TBRG1: variants seen among roughly 807,000 people sequenced by gnomAD.
TBRG1 encodes the protein nuclear interactor of ARF and MDM2.
In TBRG1, 31 loss-of-function variants were observed where a neutral mutation model predicts 44.0. The observed-to-expected ratio is 0.70, with a 90% CI of 0.53 to 0.95. The LOEUF (loss-of-function observed/expected upper bound fraction) is 0.95. TBRG1 is among the 40% of genes least tolerant of loss of function. The pLI is 0.00. For synonymous variants in TBRG1, 171 were observed against 188.1 expected (o/e 0.91, Z 0.74); for missense variants, 487 against 496.1 (o/e 0.98, Z 0.18).
chr11:124,632,333 T>A lies in TBRG1; in HGVS notation c.*95T>A. ...ATGAAAGAAGGCAGCAATTCAGAAG[T>A]AAAGAAGATACTAACGTATTTCATC... On this transcript the variant is annotated 3_prime_UTR_variant, in exon 9 of 9. Coordinates refer to ENST00000441174, the MANE Select transcript of TBRG1 (RefSeq NM_032811.3). 1 of 1,067,710 alleles carries A rather than the reference T, an allele frequency of 9.4e-7. No individual in the cohort carries two copies. Among genetic ancestry groups the A allele is most frequent in the Non-Finnish European group, 1.4e-6 (1 of 725,350 alleles). 66.1% of individuals were successfully genotyped at this position (1,067,710 alleles called of 1,614,324 possible). A position where few individuals can be genotyped will look rare whatever the true frequency, so the allele number is the denominator to read the frequency against.
chr11:124,633,328 G>C lies in TBRG1; in HGVS notation c.*1090G>C, dbSNP rs1046750826. 2.6e-5 allele frequency: 4 copies of C among 152,164 alleles called. No individual in the cohort carries two copies. Among genetic ancestry groups the C allele is most frequent in the Non-Finnish European group, 4.4e-5 (3 of 68,040 alleles). 9.4% of individuals were successfully genotyped at this position (152,164 alleles called of 1,614,324 possible). On this transcript the variant is annotated 3_prime_UTR_variant, in exon 9 of 9. Coordinates refer to ENST00000441174, the MANE Select transcript of TBRG1 (RefSeq NM_032811.3). Reference sequence around the variant, plus strand: ...TTTTGGACCCTGTTAATAGCATTAAGGTAGAGGTTTACTCTATCACCTAAC... The same window carrying C: ...TTTTGGACCCTGTTAATAGCATTAACGTAGAGGTTTACTCTATCACCTAAC...
chr11:124,631,214 T>A, intron 7 of TBRG1, 61 bp from the exon 8 acceptor site: 1 of 1,464,590 alleles, frequency 6.8e-7, no homozygotes, highest in Non-Finnish European at 9.2e-7. Context: ...CCTTTAGTGA[T>A]AGGAATGGGT....
chr11:124,623,488 A>G (rs1942388393), intron 1 of TBRG1: 3 of 556,968 alleles, frequency 5.4e-6, no homozygotes, highest in African/African-American at 1.9e-5. Context: ...TGCGTAAAAG[A>G]CATACCAATA....
chr11:124,629,305 C>T (rs1463000057), intron 5 of TBRG1, among the ~76,000 whole-genome samples: 1 of 151,680 alleles, frequency 6.6e-6, no homozygotes, highest in Non-Finnish European at 1.5e-5. Flanking sequence ...CGCCACTGCA[C>T]TCCAGCCTGG....
rs1942678274 is a variant in TBRG1 at position 124,634,454 on chromosome 11, G to A, written c.*2216G>A. On this transcript the variant is annotated 3_prime_UTR_variant, in exon 9 of 9. Coordinates refer to ENST00000441174, the MANE Select transcript of TBRG1 (RefSeq NM_032811.3). ...GACAACATCCAGTGTCAATGAGGGT[G>A]AGGGCAAAAAAAGGACTACCTTGGT... 1 of 152,042 alleles carries A rather than the reference G, an allele frequency of 6.6e-6. No individual in the cohort carries two copies. Among genetic ancestry groups the A allele is most frequent in the Non-Finnish European group, 1.5e-5 (1 of 67,978 alleles). The allele number at this position is 152,042 out of a possible 1,614,324, so 9.4% of individuals were successfully genotyped here.
intron 3 of TBRG1, among the ~76,000 whole-genome samples, chr11:124,626,222 T>C (rs1287770620): frequency 1.3e-5 from 2 of 152,198 alleles, no homozygotes; most frequent in Non-Finnish European, 2.9e-5. Context: ...AGCACACTGC[T>C]GGCTTGGTAA....
intron 5 of TBRG1, among the ~76,000 whole-genome samples, chr11:124,629,230 T>A (rs1367329372): frequency 6.6e-6 from 1 of 151,912 alleles, no homozygotes; most frequent in Admixed American, 6.6e-5. Flanking sequence ...TCCCAGCTGC[T>A]GGGGAGGCTG....
intron 4 of TBRG1, 124 bp downstream of exon 4, chr11:124,626,733 C>G (rs1198315700): frequency 1.4e-6 from 2 of 1,415,204 alleles, no homozygotes; most frequent in Admixed American, 3.9e-5. Context: ...CAGCGTATCT[C>G]CAGTCCCTGC....
Position 124,622,889 on chromosome 11 carries a change from T to C in TBRG1, c.-195T>C, listed in dbSNP as rs1164576381. On this transcript the variant is annotated 5_prime_UTR_variant, in exon 1 of 9. Transcript: ENST00000441174. The stretch of plus-strand genomic sequence containing the variant: ...ACTTCCAAGACAGACACGGAAGTGC[T>C]GGGAGGCGCCGGGAGCCCGTTCGGT... The C allele has an allele frequency of 3.1e-5, 18 of 588,488 alleles. No individual in the cohort carries two copies. The East Asian group carries it at 4.8e-4, about 16-fold the overall frequency. The allele number at this position is 588,488 out of a possible 1,614,324, so 36.5% of individuals were successfully genotyped here.
At chr11:124,625,122 C>G in intron 2 of TBRG1, 121 bp downstream of exon 2, 1 of 670,178 alleles carries the variant, frequency 1.5e-6, no homozygotes, top group Non-Finnish European at 2.6e-6. Context: ...TCGCACAGCC[C>G]CTTGGCCACT....
At chr11:124,626,203 G>A (rs958339298) in intron 3 of TBRG1, among the ~76,000 whole-genome samples, 3 of 152,192 alleles carry the variant, frequency 2.0e-5, no homozygotes, top group African/African-American at 7.2e-5. Flanking sequence ...TGGGCTAGGT[G>A]GCCTTTGGAG....
intron 5 of TBRG1, among the ~76,000 whole-genome samples, chr11:124,628,488 AT>A (rs1251154910): frequency 4.6e-5 from 7 of 151,068 alleles, no homozygotes; most frequent in African/African-American, 1.7e-4. Context: ...TTAATACCAG[AT>A]AAAGTGCTCC....
chr11:124,627,099 G>A (rs1337685796), intron 5 of TBRG1, 49 bp downstream of exon 5: 1 of 1,236,932 alleles, frequency 8.1e-7, no homozygotes, highest in Non-Finnish European at 1.2e-6. Context: ...CCTTCTCTGT[G>A]CTAGGATATG....
Position 124,630,805 on chromosome 11 carries a change from A to G in TBRG1, c.897A>G (p.Pro299=), listed in dbSNP as rs1213735027. 1 of 1,606,884 alleles carries G rather than the reference A, an allele frequency of 6.2e-7. No homozygotes were observed. ...AGADFFGFSH[P]AIHNLIQSCP... ...CTGACTTTTTTGGATTTTCTCATCC[A>G]GCCATCCACAACCTGATCCAGAGCT... Residue 299 remains proline, a synonymous_variant, in exon 7 of 9, where the codon CCA becomes CCG. Coordinates refer to ENST00000441174, the MANE Select transcript of TBRG1 (RefSeq NM_032811.3).
At chr11:124,626,223 G>A (rs78860528) in intron 3 of TBRG1, among the ~76,000 whole-genome samples, 1,818 of 152,274 alleles carry the variant, frequency 0.012, 26 homozygotes, top group East Asian at 0.065. Context: ...GCACACTGCT[G>A]GCTTGGTAAA....
At position 124,625,907 on chromosome 11, in the gene TBRG1, C is replaced by A; in HGVS notation, c.454+4C>A. On this transcript the variant is annotated splice_donor_region_variant and intron_variant, in intron 3 of 8. Coordinates refer to ENST00000441174, the MANE Select transcript of TBRG1 (RefSeq NM_032811.3). ...AAAGAGAACAACAAACTGGAAGGTA[C>A]TTTGGGGAGATGATATCAGTTGCCC... 1 of 1,563,784 alleles carries A rather than the reference C, an allele frequency of 6.4e-7. No individual in the cohort carries two copies. The highest frequency in any genetic ancestry group is 8.6e-7 in the Non-Finnish European group (1 of 1,158,046).
In TBRG1 at chr11:124,630,377, GTCTT is replaced by G. The variant is rs764304985; in HGVS notation, c.739-7_739-4del. On this transcript the variant is annotated splice_polypyrimidine_tract_variant and splice_region_variant and intron_variant, in intron 5 of 8. Coordinates refer to ENST00000441174, the MANE Select transcript of TBRG1 (RefSeq NM_032811.3). ...TGAGGATTGATCTCATTGCTCGTTT[GTCTT>G]TCTCAGTTTGAAATTGTTCCTGAAG... The G allele has an allele frequency of 2.3e-5, 37 of 1,582,304 alleles. No homozygotes were observed. The highest frequency in any genetic ancestry group is 2.8e-5 in the Non-Finnish European group (32 of 1,151,170).
At position 124,634,992 on chromosome 11, in the gene TBRG1, G is replaced by A. The variant is rs1942692296; in HGVS notation, c.*2754G>A. On this transcript the variant is annotated 3_prime_UTR_variant, in exon 9 of 9. Coordinates refer to ENST00000441174, the MANE Select transcript of TBRG1 (RefSeq NM_032811.3). ...GAAATGCAGTGAATTCCCACATCATGTTTTAAATTACTCAGCCACTAAAAA... is the reference window on the plus strand; with the variant it reads ...GAAATGCAGTGAATTCCCACATCATATTTTAAATTACTCAGCCACTAAAAA... 1 of 152,166 alleles carries A rather than the reference G, an allele frequency of 6.6e-6. No homozygotes were observed. Among genetic ancestry groups the A allele is most frequent in the South Asian group, 2.1e-4 (1 of 4,830 alleles). 9.4% of individuals were successfully genotyped at this position (152,166 alleles called of 1,614,324 possible).
intron 3 of TBRG1, 84 bp from the exon 4 acceptor site, chr11:124,626,389 C>G: frequency 8.1e-7 from 1 of 1,241,752 alleles, no homozygotes; most frequent in Non-Finnish European, 1.1e-6. Context: ...TGGCTTATTG[C>G]CCTCACCATT....
Sources: allele counts gnomAD v4.1 joint callset (sites outside exome capture counted in the v4.1 genomes callset), GRCh38; gene constraint gnomAD v4.1.1; transcripts MANE v1.5; gene names NCBI Gene and HGNC (gene_info 2026-07-23, HGNC 2026-07-21).